Variants in OSBPL8 observed in about 807,000 individuals in gnomAD.
OSBPL8 encodes the protein oxysterol binding protein like 8.
Under a neutral mutation model 125.5 loss-of-function variants are expected in OSBPL8, and 59 were observed. The ratio of observed to expected loss-of-function variants is 0.47; its 90% confidence interval spans 0.38 to 0.58. The LOEUF (loss-of-function observed/expected upper bound fraction) is 0.58, where lower values mean the gene tolerates loss of function less well. OSBPL8 is among the 20% of genes least tolerant of loss of function. The pLI, the probability that OSBPL8 is intolerant of heterozygous loss-of-function variation, is 0.00. For synonymous variants in OSBPL8, 330 were observed against 338.9 expected (o/e 0.97, Z 0.29); for missense variants, 758 against 1,047.8 (o/e 0.72, Z 3.82).
intron 1 of OSBPL8, among the ~76,000 whole-genome samples, chr12:76,499,916 C>T (rs968795306): frequency 3.9e-5 from 6 of 152,160 alleles, no homozygotes; most frequent in Admixed American, 2.0e-4. Context: ...TTCCCTTACT[C>T]TCAATAAGGC....
chr12:76,485,968 A>C, intron 2 of OSBPL8: 1 of 371,336 alleles, frequency 2.7e-6, no homozygotes, highest in South Asian at 2.0e-5. Context: ...AATAAACATT[A>C]AGTTCTACAG....
chr12:76,506,427 G>A (rs1286581250), intron 1 of OSBPL8, among the ~76,000 whole-genome samples: 1 of 152,156 alleles, frequency 6.6e-6, no homozygotes, highest in Non-Finnish European at 1.5e-5. Flanking sequence ...CATTGAATGA[G>A]ATAATTTTGG....
At chr12:76,554,642 T>C (rs536529472) in intron 1 of OSBPL8, among the ~76,000 whole-genome samples, 1 of 152,330 alleles carries the variant, frequency 6.6e-6, no homozygotes, top group African/African-American at 2.4e-5. Context: ...CAGTACCTGG[T>C]ATATAGCAGT....
chr12:76,396,832 G>C (rs941932818), intron 8 of OSBPL8, among the ~76,000 whole-genome samples: 18 of 151,864 alleles, frequency 1.2e-4, no homozygotes, highest in African/African-American at 4.3e-4. Flanking sequence ...TTTTTTTTGA[G>C]ACAGGGTCTT....
Position 76,460,303 on chromosome 12 carries a change from T to G in OSBPL8, c.43-408A>C, listed in dbSNP as rs548146017. Among the ~76,000 whole-genome samples, 89 of 152,204 alleles carry G rather than the reference T, an allele frequency of 5.8e-4. 1 individual carries two copies. Among genetic ancestry groups the G allele is most frequent in the Non-Finnish European group, 1.2e-3 (79 of 67,998 alleles). ...CCTTAAATTTAAGGTGGTTTAAAAC[T>G]ATATAACACCCATGCACTATTAAAG... is the stretch of plus-strand genomic sequence containing the variant. On this transcript the variant is annotated intron_variant, in intron 2 of 23. Transcript: ENST00000261183.
chr12:76,413,052 A>G (rs1211301454), intron 4 of OSBPL8, among the ~76,000 whole-genome samples: 1 of 152,194 alleles, frequency 6.6e-6, no homozygotes, highest in Non-Finnish European at 1.5e-5. Context: ...ATATTCTCTG[A>G]AACTTAAAAA....
At chr12:76,418,818 G>A (rs987379706) in intron 4 of OSBPL8, among the ~76,000 whole-genome samples, 1 of 152,148 alleles carries the variant, frequency 6.6e-6, no homozygotes, top group African/African-American at 2.4e-5. Context: ...GGGCGACAGA[G>A]TGAGACTCCA....
At chr12:76,484,496 G>A (rs1416233854) in intron 2 of OSBPL8, among the ~76,000 whole-genome samples, 3 of 152,108 alleles carry the variant, frequency 2.0e-5, no homozygotes, top group Admixed American at 6.5e-5. Flanking sequence ...GGATGTTTAC[G>A]TATGTGTAGC....
intron 4 of OSBPL8, among the ~76,000 whole-genome samples, chr12:76,437,766 G>T (rs1871649052): frequency 1.3e-5 from 2 of 152,086 alleles, no homozygotes; most frequent in African/African-American, 4.8e-5. Context: ...GAAAAATGTT[G>T]AATTTTCCTA....
chr12:76,495,953 G>A (rs920183907), intron 1 of OSBPL8, among the ~76,000 whole-genome samples: 22 of 152,154 alleles, frequency 1.4e-4, no homozygotes, highest in African/African-American at 5.3e-4. Flanking sequence ...TGATTTCAAT[G>A]TGATATTTAA....
chr12:76,536,403 T>G (rs1950499423), intron 1 of OSBPL8, among the ~76,000 whole-genome samples: 1 of 151,968 alleles, frequency 6.6e-6, no homozygotes, highest in Admixed American at 6.6e-5. Context: ...ACCAAGAGTG[T>G]AACTGAGATA....
intron 12 of OSBPL8, among the ~76,000 whole-genome samples, chr12:76,388,221 A>C (rs753447886): frequency 1.3e-5 from 2 of 152,222 alleles, no homozygotes; most frequent in Non-Finnish European, 2.9e-5. Flanking sequence ...ACAATCTTGT[A>C]TATATGCCAT....
At chr12:76,442,621 G>A (rs920310795) in intron 4 of OSBPL8, among the ~76,000 whole-genome samples, 1 of 152,032 alleles carries the variant, frequency 6.6e-6, no homozygotes, top group Non-Finnish European at 1.5e-5. Flanking sequence ...TAATGGAGGG[G>A]TGGGTCTAAC....
intron 2 of OSBPL8, among the ~76,000 whole-genome samples, chr12:76,475,761 G>T (rs897437370): frequency 4.6e-5 from 7 of 152,128 alleles, no homozygotes; most frequent in Non-Finnish European, 1.0e-4. Flanking sequence ...GCCAGGAGAA[G>T]GGAACAGGAG....
chr12:76,422,071 T>C (rs1869552636), intron 4 of OSBPL8, among the ~76,000 whole-genome samples: 1 of 152,060 alleles, frequency 6.6e-6, no homozygotes, highest in South Asian at 2.1e-4. Flanking sequence ...AGTGGTAAGA[T>C]TAAAGCTTAC....
At chr12:76,499,581 T>G (rs1879680520) in intron 1 of OSBPL8, among the ~76,000 whole-genome samples, 1 of 152,084 alleles carries the variant, frequency 6.6e-6, no homozygotes, top group Non-Finnish European at 1.5e-5. Context: ...CCAGGTACAG[T>G]AGCTCATGCC....
At chr12:76,367,022 G>A (rs1248113751) in intron 21 of OSBPL8, among the ~76,000 whole-genome samples, 1 of 152,182 alleles carries the variant, frequency 6.6e-6, no homozygotes, top group East Asian at 1.9e-4. Context: ...TTCTTCCATG[G>A]TTGGGTGGAT....
rs372248102 is a variant in OSBPL8 at position 76,528,877 on chromosome 12, T to C, written c.-68+30520A>G. On this transcript the variant is annotated intron_variant, in intron 1 of 23. Transcript: ENST00000261183. ...TCAAAAAAATAAAAATAAAAATAAG[T>C]AAAGTATAGCAACTTTAAAATTTCA... 3.3e-5 allele frequency among the ~76,000 whole-genome samples: 5 copies of C among 150,762 alleles called. No individual in the cohort carries two copies. The South Asian group carries it at 1.1e-3, about 32-fold the overall frequency.
intron 2 of OSBPL8, among the ~76,000 whole-genome samples, chr12:76,471,453 C>T (rs1034126789): frequency 2.0e-5 from 3 of 152,180 alleles, no homozygotes; most frequent in Non-Finnish European, 4.4e-5. Context: ...TCCTCCACTC[C>T]TAATATTAAG....
Sources: gnomAD v4.1 joint callset for allele counts (sites outside exome capture counted in the v4.1 genomes callset) on GRCh38, gnomAD v4.1.1 for gene constraint, MANE v1.5 for transcripts, NCBI Gene and HGNC (gene_info 2026-07-23, HGNC 2026-07-21) for gene names.